Variants in BRIP1 observed in about 807,000 individuals in gnomAD.
BRIP1 encodes the protein BRCA1 interacting DNA helicase 1.
Under a neutral mutation model 119.7 loss-of-function variants are expected in BRIP1, and 88 were observed. The observed-to-expected ratio is 0.74, with a 90% confidence interval of 0.62 to 0.88. The LOEUF (loss-of-function observed/expected upper bound fraction) is 0.88. Ranked by LOEUF, BRIP1 falls within the 40% of genes least tolerant of loss-of-function variation. The probability of loss-of-function intolerance (pLI) is 0.00; values close to 1 mark genes in which losing one functional copy is unlikely to be tolerated. For synonymous variants in BRIP1, 443 were observed against 496.5 expected, an observed-to-expected ratio of 0.89 and a Z score of 1.43; for missense variants, 1,259 against 1,455.4, an observed-to-expected ratio of 0.87 and a Z score of 2.20.
In BRIP1 at chr17:61,720,825, G is replaced by T. The variant is rs2061960727; in HGVS notation, c.2380-4762C>A. On this transcript the variant is annotated intron_variant, in intron 16 of 19. Coordinates refer to ENST00000259008, the MANE Select transcript of BRIP1 (RefSeq NM_032043.3). This position sits in a 1 kb window ranked among gnomAD's most constrained non-coding sequence, Gnocchi z 4.3. Reference sequence around the variant, plus strand: ...CAAGAAAAAACAAAGTATTTTCCGTGTACTCTATAACACTGTTAACTTTTT... The same window carrying T: ...CAAGAAAAAACAAAGTATTTTCCGTTTACTCTATAACACTGTTAACTTTTT... 1.3e-5 allele frequency among the ~76,000 whole-genome samples: 2 copies of T among 152,048 alleles called. No homozygotes were observed. Among genetic ancestry groups the T allele is most frequent in the Non-Finnish European group, 2.9e-5 (2 of 68,016 alleles).
In BRIP1 at chr17:61,774,766, T is replaced by C. The variant is rs982751525; in HGVS notation, c.2097+1635A>G. 1.3e-5 allele frequency among the ~76,000 whole-genome samples: 2 copies of C among 152,194 alleles called. No homozygotes were observed. The highest frequency in any genetic ancestry group is 4.8e-5 in the African/African-American group (2 of 41,450). The stretch of plus-strand genomic sequence containing the variant: ...TGAAAAGCTAGAAGCAGAAAAATAA[T>C]CTATTCATTTTGCTAATATATATAC... On this transcript the variant is annotated intron_variant, in intron 14 of 19. Transcript: ENST00000259008. This position sits in a 1 kb window ranked among gnomAD's most constrained non-coding sequence, Gnocchi z 5.8.
chr17:61,694,570 C>A (rs1289243043), intron 17 of BRIP1, among the ~76,000 whole-genome samples: 1 of 151,896 alleles, frequency 6.6e-6, no homozygotes, highest in Non-Finnish European at 1.5e-5. Flanking sequence ...TATAGTAATT[C>A]TATGTTTAAC....
rs1394978270 is a variant in BRIP1, at chr17:61,842,666, A to G, written c.627+4435T>C. Among the ~76,000 whole-genome samples the G allele has an allele frequency of 6.6e-6, 1 of 152,212 alleles. No individual in the cohort carries two copies. The highest frequency in any genetic ancestry group is 2.4e-5 in the African/African-American group (1 of 41,452). On this transcript the variant is annotated intron_variant, in intron 6 of 19. Transcript: ENST00000259008. This position sits in a 1 kb window ranked among gnomAD's most constrained non-coding sequence, Gnocchi z 5.1. ...GTATTATATAGAATCTTTTATCAGC[A>G]GCAGCTAAAGGTAAGAACTACAAAT...
rs2077273463 is a variant in BRIP1 at position 61,761,288 on chromosome 17, C to A, written c.2097+15113G>T. On this transcript the variant is annotated intron_variant, in intron 14 of 19. Coordinates refer to ENST00000259008, the MANE Select transcript of BRIP1 (RefSeq NM_032043.3). This position sits in a 1 kb window ranked among gnomAD's most constrained non-coding sequence, Gnocchi z 6.4. ...CCAATAAAGGCCAAATATGATAAGACCACACTTAACATTATATTCAATGGT... is the reference window on the plus strand; with the variant it reads ...CCAATAAAGGCCAAATATGATAAGAACACACTTAACATTATATTCAATGGT... Among the ~76,000 whole-genome samples, 1 of 151,824 alleles carries A rather than the reference C, an allele frequency of 6.6e-6. No individual in the cohort carries two copies. Among genetic ancestry groups the A allele is most frequent in the Non-Finnish European group, 1.5e-5 (1 of 67,880 alleles).
In BRIP1 at chr17:61,847,097, A is replaced by T. The variant is rs2145741485; in HGVS notation, c.627+4T>A. 6.2e-7 allele frequency: 1 copy of T among 1,613,840 alleles called. No individual in the cohort carries two copies. The highest frequency in any genetic ancestry group is 1.3e-5 in the African/African-American group (1 of 75,032). The stretch of plus-strand genomic sequence containing the variant: ...TAAAACTGAACAATGGCATTAATAC[A>T]TACTTTCTGTGGCGAAAAGGAGTTT... On this transcript the variant is annotated splice_donor_region_variant and intron_variant, in intron 6 of 19. Coordinates refer to ENST00000259008, the MANE Select transcript of BRIP1 (RefSeq NM_032043.3).
At position 61,861,957 on chromosome 17, in the gene BRIP1, C is replaced by G. The variant is rs1395775303; in HGVS notation, c.-30-388G>C. 1 of 224,560 alleles carries G rather than the reference C, an allele frequency of 4.5e-6. No homozygotes were observed. The highest frequency in any genetic ancestry group is 8.9e-6 in the Non-Finnish European group (1 of 111,954). The allele number at this position is 224,560 out of a possible 1,614,324, so 13.9% of individuals were successfully genotyped here. ...AACAGTTAGATCAGATGTAATCAAC[C>G]TACAGAAACAAATAAGTTCCTGAGG... is the stretch of plus-strand genomic sequence containing the variant. On this transcript the variant is annotated intron_variant, in intron 1 of 19. Transcript: ENST00000259008. The surrounding 1 kb of genome is among the most constrained non-coding windows in gnomAD (Gnocchi z 4.5).
chr17:61,730,435 G>T lies in BRIP1; in HGVS notation c.2379+12578C>A, dbSNP rs1368715336. 6.6e-6 allele frequency among the ~76,000 whole-genome samples: 1 copy of T among 152,112 alleles called. No individual in the cohort carries two copies. The highest frequency in any genetic ancestry group is 1.9e-4 in the East Asian group (1 of 5,198). On this transcript the variant is annotated intron_variant, in intron 16 of 19. Transcript: ENST00000259008. This position sits in a 1 kb window ranked among gnomAD's most constrained non-coding sequence, Gnocchi z 4.3. Reference sequence around the variant, plus strand: ...AAACAATCCCACCACTGCCCTTAAGGTAGAGCTGCTGATTATGCTCCATGC... The same window carrying T: ...AAACAATCCCACCACTGCCCTTAAGTTAGAGCTGCTGATTATGCTCCATGC...
intron 10 of BRIP1, among the ~76,000 whole-genome samples, chr17:61,791,672 G>T (rs2077819727): frequency 6.6e-6 from 1 of 151,860 alleles, no homozygotes; most frequent in Admixed American, 6.6e-5. Context: ...AGGGCAAAAA[G>T]TATAGTTTCA....
At chr17:61,833,196 C>T (rs1055995177) in intron 6 of BRIP1, among the ~76,000 whole-genome samples, 2 of 152,072 alleles carry the variant, frequency 1.3e-5, no homozygotes, top group Non-Finnish European at 2.9e-5. Context: ...GGTTGCTATA[C>T]ATATTTATTT....
At chr17:61,811,548 T>C (rs1603348584) in intron 6 of BRIP1, among the ~76,000 whole-genome samples, 1 of 152,078 alleles carries the variant, frequency 6.6e-6, no homozygotes, top group Admixed American at 6.6e-5. Flanking sequence ...AATAGGTACT[T>C]AGGCAAGTAA....
intron 3 of BRIP1, among the ~76,000 whole-genome samples, chr17:61,858,287 T>C (rs1420924540): frequency 6.6e-6 from 1 of 152,098 alleles, no homozygotes; most frequent in Non-Finnish European, 1.5e-5. Flanking sequence ...CATTAAGACC[T>C]GAAGTTAGTA....
In BRIP1 at chr17:61,729,550, G is replaced by C. The variant is rs1390454033; in HGVS notation, c.2379+13463C>G. The stretch of plus-strand genomic sequence containing the variant: ...GTAAATACCAGATAAAATAGCTAAA[G>C]AAGTGAAAGTCACTGCCTGTCAGAA... On this transcript the variant is annotated intron_variant, in intron 16 of 19. Transcript: ENST00000259008. The surrounding 1 kb of genome is among the most constrained non-coding windows in gnomAD (Gnocchi z 5.6). Among the ~76,000 whole-genome samples the C allele has an allele frequency of 6.6e-6, 1 of 152,042 alleles. No homozygotes were observed. The highest frequency in any genetic ancestry group is 1.5e-5 in the Non-Finnish European group (1 of 68,006).
chr17:61,827,480 G>A lies in BRIP1; in HGVS notation c.628-18723C>T, dbSNP rs559508482. On this transcript the variant is annotated intron_variant, in intron 6 of 19. Transcript: ENST00000259008. The surrounding 1 kb of genome is among the most constrained non-coding windows in gnomAD (Gnocchi z 5.8). ...GTGGTGGCTTACACCTGTAATCTCA[G>A]TACTTTGAGAGGTAAGGCAGGAGGA... is the stretch of plus-strand genomic sequence containing the variant. 3.9e-5 allele frequency among the ~76,000 whole-genome samples: 6 copies of A among 152,146 alleles called. No homozygotes were observed. Among genetic ancestry groups the A allele is most frequent in the Non-Finnish European group, 8.8e-5 (6 of 68,026 alleles).
chr17:61,711,048 AAC>A (rs2061765262), intron 17 of BRIP1, among the ~76,000 whole-genome samples: 5 of 151,630 alleles, frequency 3.3e-5, no homozygotes, highest in South Asian at 2.1e-4. Context: ...AAAAAAAAAA[AAC>A]AAACCCAAAA....
Position 61,801,339 on chromosome 17 carries a change from A to G in BRIP1, c.1054T>C (p.Tyr352His), listed in dbSNP as rs730881632. ...SLGKKLKACP[Y>H]YTARELIQDA... ...TGTATTAGTTCTCGGGCTGTGTAAT[A>G]TGGACAGGCCTTTAGTTTCTTCCCC... Residue 352 changes from tyrosine (Y) to histidine (H), a missense_variant, in exon 8 of 20, where the codon TAT (tyrosine) becomes CAT (histidine). Physicochemically the swap from Tyr to His is moderately conservative, Grantham distance 83. Coordinates refer to ENST00000259008, the MANE Select transcript of BRIP1 (RefSeq NM_032043.3). The G allele has an allele frequency of 1.3e-5, 21 of 1,613,950 alleles. No homozygotes were observed. The highest frequency in any genetic ancestry group is 1.6e-5 in the Non-Finnish European group (19 of 1,179,954).
intron 16 of BRIP1, among the ~76,000 whole-genome samples, chr17:61,728,580 G>C (rs886566923): frequency 2.0e-5 from 3 of 152,198 alleles, no homozygotes; most frequent in African/African-American, 7.2e-5. Flanking sequence ...AGTTCAGAAA[G>C]TCTCAGGAAA....
In BRIP1 at chr17:61,708,077, C is replaced by A. The variant is rs1217603192; in HGVS notation, c.2492+7874G>T. ...GGCCAGGCTGGTCTCAAACTGCTGA[C>A]CTCAAGTGATCATTTTTAAGAGGAT... On this transcript the variant is annotated intron_variant, in intron 17 of 19. Coordinates refer to ENST00000259008, the MANE Select transcript of BRIP1 (RefSeq NM_032043.3). This position sits in a 1 kb window ranked among gnomAD's most constrained non-coding sequence, Gnocchi z 4.4. 2.0e-5 allele frequency among the ~76,000 whole-genome samples: 3 copies of A among 151,954 alleles called. No homozygotes were observed. Among genetic ancestry groups the A allele is most frequent in the African/African-American group, 7.3e-5 (3 of 41,356 alleles).
At chr17:61,750,849 G>A (rs1212534726) in intron 14 of BRIP1, among the ~76,000 whole-genome samples, 5 of 152,156 alleles carry the variant, frequency 3.3e-5, no homozygotes, top group African/African-American at 4.8e-5. Context: ...GCAAGGACAC[G>A]CAGAAACTGT....
In BRIP1 at chr17:61,843,982, T is replaced by C. The variant is rs2078693588; in HGVS notation, c.627+3119A>G. 6.6e-6 allele frequency among the ~76,000 whole-genome samples: 1 copy of C among 152,008 alleles called. No homozygotes were observed. The highest frequency in any genetic ancestry group is 2.1e-4 in the South Asian group (1 of 4,814). The stretch of plus-strand genomic sequence containing the variant: ...CTCTGTCACCCAGACTGGAGTACAG[T>C]GGTTCAATCATAGTTCAATACAGCC... On this transcript the variant is annotated intron_variant, in intron 6 of 19. Transcript: ENST00000259008. The surrounding 1 kb of genome is among the most constrained non-coding windows in gnomAD (Gnocchi z 5.7).
Sources: gnomAD v4.1 joint callset for allele counts (sites outside exome capture counted in the v4.1 genomes callset) on GRCh38, gnomAD v4.1.1 for gene constraint, Gnocchi (gnomAD v3.1) non-coding constraint, MANE v1.5 for transcripts, NCBI Gene and HGNC (gene_info 2026-07-23, HGNC 2026-07-21) for gene names.